NTRK2: variants seen among roughly 807,000 people sequenced by gnomAD.
NTRK2 encodes the protein neurotrophic receptor tyrosine kinase 2, also known as BDNF/NT-3 growth factors receptor.
In NTRK2, 13 loss-of-function variants were observed where a neutral mutation model predicts 94.5. That is an observed-to-expected ratio of 0.14 (90% CI 0.09 to 0.22). The LOEUF is 0.22. NTRK2 is among the 10% of genes least tolerant of loss of function. The pLI is 1.00. For synonymous variants in NTRK2, 372 were observed against 407.4 expected (o/e 0.91, Z 1.05); for missense variants, 639 against 1,071.2 (o/e 0.60, Z 5.63).
intron 17 of NTRK2, among the ~76,000 whole-genome samples, chr9:84,971,875 G>A (rs761780830): frequency 2.0e-5 from 3 of 152,170 alleles, no homozygotes; most frequent in Non-Finnish European, 4.4e-5. Flanking sequence ...GGTATGGAAA[G>A]GGAAAAGAAG....
intron 17 of NTRK2, among the ~76,000 whole-genome samples, chr9:84,959,324 G>A (rs1824585416): frequency 6.6e-6 from 1 of 152,072 alleles, no homozygotes; most frequent in African/African-American, 2.4e-5. Flanking sequence ...TTCTGACCAG[G>A]GCTATCTTAT....
chr9:84,947,102 C>A (rs1263548483), intron 15 of NTRK2, among the ~76,000 whole-genome samples: 20 of 152,074 alleles, frequency 1.3e-4, no homozygotes, highest in Admixed American at 9.8e-4. Context: ...ATTACAGGCA[C>A]ACACCATCAA....
chr9:85,009,266 T>A (rs1831305084), intron 17 of NTRK2, among the ~76,000 whole-genome samples: 1 of 152,220 alleles, frequency 6.6e-6, no homozygotes, highest in Non-Finnish European at 1.5e-5. Flanking sequence ...ATATAAGACT[T>A]TAAATAAATT....
At chr9:84,784,125 G>C (rs111533131) in intron 12 of NTRK2, among the ~76,000 whole-genome samples, 1 of 152,188 alleles carries the variant, frequency 6.6e-6, no homozygotes, top group Non-Finnish European at 1.5e-5. Context: ...GAAAGGCAGA[G>C]GGGAGTCAGA....
chr9:84,949,668 G>T (rs2078714327), intron 16 of NTRK2, among the ~76,000 whole-genome samples: 1 of 152,072 alleles, frequency 6.6e-6, no homozygotes, highest in African/African-American at 2.4e-5. Flanking sequence ...GTTTTGCCAT[G>T]TTGGCCAGGC....
At chr9:84,975,391 T>C (rs1267436645) in intron 17 of NTRK2, among the ~76,000 whole-genome samples, 1 of 151,970 alleles carries the variant, frequency 6.6e-6, no homozygotes, top group Non-Finnish European at 1.5e-5. Context: ...AAAACAGAAA[T>C]GGAATCAGAG....
At chr9:84,866,841 T>C (rs2075618784) in intron 13 of NTRK2, among the ~76,000 whole-genome samples, 1 of 152,114 alleles carries the variant, frequency 6.6e-6, no homozygotes, top group Non-Finnish European at 1.5e-5. Context: ...AATGGATAAA[T>C]AACATGCAAC....
At chr9:84,709,421 G>A (rs2061296959) in intron 5 of NTRK2, among the ~76,000 whole-genome samples, 1 of 152,168 alleles carries the variant, frequency 6.6e-6, no homozygotes, top group Non-Finnish European at 1.5e-5. Context: ...TAAACTGGTG[G>A]TGGGTCTTTT....
intron 12 of NTRK2, among the ~76,000 whole-genome samples, chr9:84,856,555 G>T (rs1251134214): frequency 6.6e-6 from 1 of 152,086 alleles, no homozygotes; most frequent in Non-Finnish European, 1.5e-5. Flanking sequence ...ACTCAGGCAA[G>T]CACTTGGCCT....
At chr9:84,705,782 C>CTTT (rs36124860) in intron 4 of NTRK2, among the ~76,000 whole-genome samples, 89 of 109,606 alleles carry the variant, frequency 8.1e-4, no homozygotes, top group South Asian at 1.3e-3. Context: ...GAAACCCATT[C>CTTT]TTTTTTTTTT....
intron 17 of NTRK2, among the ~76,000 whole-genome samples, chr9:84,960,159 T>C (rs7019212): frequency 1.3e-5 from 2 of 152,082 alleles, no homozygotes; most frequent in Non-Finnish European, 2.9e-5. Context: ...AACTCTAAAG[T>C]GTTAAAGAGA....
At chr9:84,783,429 G>T (rs965627002) in intron 12 of NTRK2, among the ~76,000 whole-genome samples, 2 of 152,282 alleles carry the variant, frequency 1.3e-5, no homozygotes, top group East Asian at 1.9e-4. Context: ...TCCCTGAAGG[G>T]TTAGTATCTA....
intron 17 of NTRK2, among the ~76,000 whole-genome samples, chr9:84,973,003 A>G (rs773369392): frequency 1.2e-4 from 18 of 152,124 alleles, no homozygotes; most frequent in Non-Finnish European, 2.4e-4. Context: ...CCTTCTTTCA[A>G]ACTTGCCAAA....
At chr9:84,879,663 T>C (rs1362009242) in intron 14 of NTRK2, among the ~76,000 whole-genome samples, 5 of 152,220 alleles carry the variant, frequency 3.3e-5, no homozygotes, top group South Asian at 2.1e-4. Context: ...GGGGTTGTTA[T>C]TGAAGCCCAG....
intron 17 of NTRK2, among the ~76,000 whole-genome samples, chr9:85,018,440 G>A (rs950577247): frequency 1.3e-5 from 2 of 152,168 alleles, no homozygotes; most frequent in East Asian, 3.9e-4. Flanking sequence ...GGTGGCAGCA[G>A]CATCCCTGCA....
At chr9:84,938,522 G>A (rs1238139886) in intron 15 of NTRK2, among the ~76,000 whole-genome samples, 4 of 152,026 alleles carry the variant, frequency 2.6e-5, no homozygotes, top group South Asian at 2.1e-4. Flanking sequence ...GTCCTTTATA[G>A]CATTTGTCAA....
At chr9:85,002,302 T>G (rs938176105) in intron 17 of NTRK2, among the ~76,000 whole-genome samples, 3 of 152,184 alleles carry the variant, frequency 2.0e-5, no homozygotes, top group African/African-American at 7.2e-5. Context: ...CAGTTCTAAC[T>G]GACTGAGTTT....
intron 4 of NTRK2, among the ~76,000 whole-genome samples, chr9:84,704,025 A>G (rs2060889849): frequency 6.6e-6 from 1 of 152,140 alleles, no homozygotes; most frequent in African/African-American, 2.4e-5. Context: ...CAACAACTGC[A>G]TTTTACTGGC....
intron 14 of NTRK2, among the ~76,000 whole-genome samples, chr9:84,924,228 GTA>G (rs2077665984): frequency 2.2e-5 from 2 of 92,426 alleles, no homozygotes; most frequent in Non-Finnish European, 4.5e-5. Flanking sequence ...AAGAAAGAAA[GTA>G]GAAAGAAAGA....
Sources: gnomAD v4.1 joint callset for allele counts (sites outside exome capture counted in the v4.1 genomes callset) on GRCh38, gnomAD v4.1.1 for gene constraint, MANE v1.5 for transcripts, NCBI Gene and HGNC (gene_info 2026-07-23, HGNC 2026-07-21) for gene names.